Variants in ELMO1 observed in about 807,000 individuals in gnomAD.
ELMO1 encodes the protein engulfment and cell motility 1.
In ELMO1, 26 loss-of-function variants were observed where a neutral mutation model predicts 98.9. The ratio of observed to expected loss-of-function variants is 0.26; its 90% CI spans 0.19 to 0.36. The LOEUF (loss-of-function observed/expected upper bound fraction) is 0.36, where lower values mean the gene tolerates loss of function less well. Ranked by LOEUF, ELMO1 falls within the 10% of genes least tolerant of loss-of-function variation. ELMO1 has a pLI of 1.00. For synonymous variants in ELMO1, 346 were observed against 346.0 expected, an observed-to-expected ratio of 1.00 and a Z score of 0.00; for missense variants, 627 against 935.2, an observed-to-expected ratio of 0.67 and a Z score of 4.30.
chr7:37,283,408 T>A (rs1471178286), intron 4 of ELMO1, among the ~76,000 whole-genome samples: 3 of 152,222 alleles, frequency 2.0e-5, no homozygotes, highest in Admixed American at 2.0e-4. Context: ...ACATACCTAC[T>A]TTTTGCCTGG....
intron 13 of ELMO1, among the ~76,000 whole-genome samples, chr7:37,153,539 A>G (rs1788507099): frequency 6.6e-6 from 1 of 152,214 alleles, no homozygotes; most frequent in South Asian, 2.1e-4. Flanking sequence ...ATGCTAGCAC[A>G]GCAATCTAAG....
intron 4 of ELMO1, among the ~76,000 whole-genome samples, chr7:37,275,124 A>C (rs1796761582): frequency 6.6e-6 from 1 of 152,216 alleles, no homozygotes; most frequent in Non-Finnish European, 1.5e-5. Flanking sequence ...TGCCTGACAA[A>C]GGTAAGAGCC....
At chr7:37,052,553 G>A (rs1016910298) in intron 15 of ELMO1, among the ~76,000 whole-genome samples, 4 of 152,112 alleles carry the variant, frequency 2.6e-5, no homozygotes, top group Admixed American at 1.3e-4. Flanking sequence ...ACCATGGGAC[G>A]ACTCTGGAAG....
intron 16 of ELMO1, among the ~76,000 whole-genome samples, chr7:36,900,793 C>A (rs1806446634): frequency 6.6e-6 from 1 of 152,188 alleles, no homozygotes; most frequent in Non-Finnish European, 1.5e-5. Context: ...CAGATGCCAA[C>A]CCAGTCTAGC....
At chr7:37,146,777 T>C (rs1788016915) in intron 13 of ELMO1, among the ~76,000 whole-genome samples, 1 of 152,150 alleles carries the variant, frequency 6.6e-6, no homozygotes, top group Non-Finnish European at 1.5e-5. Flanking sequence ...ACATGGTGAA[T>C]ATCCTGAGAG....
chr7:37,423,611 A>T (rs1035886792), intron 1 of ELMO1, among the ~76,000 whole-genome samples: 1 of 151,018 alleles, frequency 6.6e-6, no homozygotes, highest in Admixed American at 6.6e-5. Context: ...AAACAAACAA[A>T]CACCTCACAG....
intron 13 of ELMO1, among the ~76,000 whole-genome samples, chr7:37,156,356 C>T (rs766734775): frequency 1.3e-5 from 2 of 151,944 alleles, no homozygotes; most frequent in Non-Finnish European, 1.5e-5. Flanking sequence ...ACAAAAAAAC[C>T]CTTCAAAAAA....
chr7:37,388,271 TAC>T (rs1003177710), intron 1 of ELMO1, among the ~76,000 whole-genome samples: 10 of 152,282 alleles, frequency 6.6e-5, no homozygotes, highest in African/African-American at 2.4e-4. Flanking sequence ...GACAACTCGA[TAC>T]AGAGACAACA....
intron 13 of ELMO1, among the ~76,000 whole-genome samples, chr7:37,191,177 A>C (rs1219715342): frequency 1.5e-5 from 2 of 136,998 alleles, no homozygotes; most frequent in African/African-American, 5.3e-5. Flanking sequence ...TAACAGAGCA[A>C]GACTCTGTCT....
At chr7:37,434,508 AACAGGAGTGATTGT>A (rs1334216878) in intron 1 of ELMO1, among the ~76,000 whole-genome samples, 1 of 152,382 alleles carries the variant, frequency 6.6e-6, no homozygotes, top group East Asian at 1.9e-4. Context: ...GTTAGATTCT[AACAGGAGTGATTGT>A]ACAGTCACAT....
chr7:36,980,298 T>G (rs28720896), intron 16 of ELMO1, among the ~76,000 whole-genome samples: 7,569 of 152,300 alleles, frequency 0.05, 547 homozygotes, highest in African/African-American at 0.16. Context: ...AAGACAATTC[T>G]GATATCTCAC....
intron 16 of ELMO1, among the ~76,000 whole-genome samples, chr7:36,996,648 G>A (rs1288626850): frequency 1.3e-5 from 2 of 152,228 alleles, no homozygotes; most frequent in Non-Finnish European, 2.9e-5. Context: ...GCATATAGCT[G>A]AGTAAGTTAA....
At chr7:36,997,513 G>A (rs904547297) in intron 16 of ELMO1, among the ~76,000 whole-genome samples, 8 of 152,168 alleles carry the variant, frequency 5.3e-5, no homozygotes, top group African/African-American at 1.9e-4. Flanking sequence ...AGGGAAGCCA[G>A]AGATCTCTCC....
intron 13 of ELMO1, among the ~76,000 whole-genome samples, chr7:37,134,558 C>G (rs1484836653): frequency 1.1e-5 from 1 of 89,250 alleles, no homozygotes; most frequent in Non-Finnish European, 2.6e-5. Flanking sequence ...GACTCCATCT[C>G]AAAAAAAAAA....
At chr7:37,190,400 G>T (rs1199452170) in intron 13 of ELMO1, among the ~76,000 whole-genome samples, 1 of 152,166 alleles carries the variant, frequency 6.6e-6, no homozygotes, top group Non-Finnish European at 1.5e-5. Context: ...CATGAAGAAA[G>T]AAAATCTTTC....
chr7:37,231,986 G>A (rs956241071), intron 8 of ELMO1, among the ~76,000 whole-genome samples: 7 of 151,980 alleles, frequency 4.6e-5, no homozygotes, highest in African/African-American at 7.3e-5. Flanking sequence ...CCAAGTAGGC[G>A]GGATTACAGG....
chr7:37,300,848 A>T (rs1798304380), intron 4 of ELMO1, among the ~76,000 whole-genome samples: 1 of 152,022 alleles, frequency 6.6e-6, no homozygotes, highest in Non-Finnish European at 1.5e-5. Flanking sequence ...GAATGGTACC[A>T]GTTCCTCCTT....
chr7:37,376,463 C>G (rs546853356), intron 1 of ELMO1, among the ~76,000 whole-genome samples: 1 of 152,156 alleles, frequency 6.6e-6, no homozygotes, highest in African/African-American at 2.4e-5. Context: ...GATAACATCA[C>G]GATTGTAAAA....
intron 13 of ELMO1, among the ~76,000 whole-genome samples, chr7:37,197,842 C>T (rs1215648010): frequency 6.6e-6 from 1 of 152,144 alleles, no homozygotes; most frequent in African/African-American, 2.4e-5. Context: ...ACTACCTTTC[C>T]CAGGTACCAG....
Sources: allele counts gnomAD v4.1 joint callset (sites outside exome capture counted in the v4.1 genomes callset), GRCh38; gene constraint gnomAD v4.1.1; transcripts MANE v1.5; gene names NCBI Gene and HGNC (gene_info 2026-07-23, HGNC 2026-07-21).